The following NIPAL1 variants were observed in gnomAD, a reference collection of about 807,000 sequenced individuals.
NIPAL1 encodes the protein magnesium transporter NIPA3.
NIPAL1 carries 35 observed loss-of-function variants against 37.7 expected under a neutral mutation model. The observed-to-expected ratio is 0.93, with a 90% CI of 0.71 to 1.23. NIPAL1 has a LOEUF of 1.23. Among genes scored for constraint, NIPAL1 ranks in the 50% most tolerant of loss-of-function variants. The probability of loss-of-function intolerance (pLI) is 0.00; values close to 1 mark genes in which losing one functional copy is unlikely to be tolerated. For synonymous variants in NIPAL1, 162 were observed against 183.0 expected (o/e 0.89, Z 0.93); for missense variants, 412 against 473.9 (o/e 0.87, Z 1.21).
rs1251607112 is a variant in NIPAL1, at chr4:48,037,958, A to G, written c.*1786A>G. On this transcript the variant is annotated 3_prime_UTR_variant, in exon 6 of 6. Transcript: ENST00000295461. ...AAAAAAAAAAATTCAGGTAGACTGA[A>G]TGTTTTTCTGCTCTAACCTTAAATG... 6.6e-6 allele frequency: 1 copy of G among 152,142 alleles called. No individual in the cohort carries two copies. Among genetic ancestry groups the G allele is most frequent in the Non-Finnish European group, 1.5e-5 (1 of 68,014 alleles). The allele number at this position is 152,142 out of a possible 1,614,324, so 9.4% of individuals were successfully genotyped here. A position where few individuals can be genotyped will look rare whatever the true frequency, so the allele number is the denominator to read the frequency against.
chr4:48,034,667 T>C (rs915277262), intron 4 of NIPAL1, among the ~76,000 whole-genome samples: 1 of 152,218 alleles, frequency 6.6e-6, no homozygotes, highest in Non-Finnish European at 1.5e-5. Flanking sequence ...GGATATAGAA[T>C]ATTATAGCTC....
chr4:48,017,516 T>C (rs1715459743), intron 1 of NIPAL1, among the ~76,000 whole-genome samples: 1 of 152,224 alleles, frequency 6.6e-6, no homozygotes. Flanking sequence ...GCGAGAGCCG[T>C]ACTGGAGAGG....
In NIPAL1 at chr4:48,036,296, G is replaced by C; in HGVS notation, c.*124G>C. On this transcript the variant is annotated 3_prime_UTR_variant, in exon 6 of 6. Transcript: ENST00000295461. Reference sequence around the variant, plus strand: ...GCAGTTCTAACTAATTTAGATGTGAGGCCAAGTAAAAATGCCATTTTTTTG... The same window carrying C: ...GCAGTTCTAACTAATTTAGATGTGACGCCAAGTAAAAATGCCATTTTTTTG... 3 of 894,180 alleles carry C rather than the reference G, an allele frequency of 3.4e-6. No individual in the cohort carries two copies. The highest frequency in any genetic ancestry group is 3.3e-6 in the Non-Finnish European group (2 of 602,970). The allele number at this position is 894,180 out of a possible 1,614,324, so 55.4% of individuals were successfully genotyped here. A position where few individuals can be genotyped will look rare whatever the true frequency, so the allele number is the denominator to read the frequency against.
chr4:48,029,664 T>C (rs1424841344), intron 2 of NIPAL1, among the ~76,000 whole-genome samples: 2 of 152,164 alleles, frequency 1.3e-5, no homozygotes, highest in Non-Finnish European at 2.9e-5. Context: ...TGAAATGACA[T>C]ACCATTTTAA....
rs1348795955 is a variant in NIPAL1 at position 48,039,998 on chromosome 4, C to T, written c.*3826C>T. 9 of 152,066 alleles carry T rather than the reference C, an allele frequency of 5.9e-5. No individual in the cohort carries two copies. The highest frequency in any genetic ancestry group is 4.4e-5 in the Non-Finnish European group (3 of 68,020). The allele number at this position is 152,066 out of a possible 1,614,324, so 9.4% of individuals were successfully genotyped here. On this transcript the variant is annotated 3_prime_UTR_variant, in exon 6 of 6. Transcript: ENST00000295461. ...AACTGAACTAAATGCTATTTAGCCCCGCCAACAAAGCTTTGTGGAAAAATA... is the reference window on the plus strand; with the variant it reads ...AACTGAACTAAATGCTATTTAGCCCTGCCAACAAAGCTTTGTGGAAAAATA...
chr4:48,033,751 A>G (rs1715869267), intron 4 of NIPAL1, among the ~76,000 whole-genome samples: 1 of 152,206 alleles, frequency 6.6e-6, no homozygotes, highest in Admixed American at 6.5e-5. Flanking sequence ...TGTGTTTGAT[A>G]AGCATATACA....
intron 1 of NIPAL1, among the ~76,000 whole-genome samples, chr4:48,019,112 G>T (rs1298822509): frequency 6.6e-6 from 1 of 152,162 alleles, no homozygotes; most frequent in Non-Finnish European, 1.5e-5. Flanking sequence ...CTTCCACCTG[G>T]GTTCAAGCAA....
Position 48,025,114 on chromosome 4 carries a change from T to A in NIPAL1, c.93T>A (p.Cys31Ter). The stretch of plus-strand genomic sequence containing the variant: ...GTCCAAACTCCTCCCAGGCTTGGTG[T>A]GAGATCACAAATGTGTCACAGCTGC... ...LVCPNSSQAW[C>*]EITNVSQLLA... The change falls in exon 2 of 6, where the codon TGT becomes TGA. Residue 31 changes from cysteine to a stop codon, truncating the protein, a stop_gained. Coordinates refer to ENST00000295461, the MANE Select transcript of NIPAL1 (RefSeq NM_207330.3). LOFTEE classifies it high-confidence loss of function. 6.2e-7 allele frequency: 1 copy of A among 1,604,694 alleles called. No individual in the cohort carries two copies. The highest frequency in any genetic ancestry group is 8.5e-7 in the Non-Finnish European group (1 of 1,171,344).
In NIPAL1 at chr4:48,027,844, C is replaced by T. The variant is rs1170277358; in HGVS notation, c.314-2276C>T. Among the ~76,000 whole-genome samples the T allele has an allele frequency of 6.6e-6, 1 of 152,180 alleles. No individual in the cohort carries two copies. The highest frequency in any genetic ancestry group is 1.5e-5 in the Non-Finnish European group (1 of 68,016). On this transcript the variant is annotated intron_variant, in intron 2 of 5. Transcript: ENST00000295461. This position sits in a 1 kb window ranked among gnomAD's most constrained non-coding sequence, Gnocchi z 4.1. Reference sequence around the variant, plus strand: ...TTAAGCAGAGTGCATCTGCCCAATGCTTGTTATTCTCTCATTGACTAATCC... The same window carrying T: ...TTAAGCAGAGTGCATCTGCCCAATGTTTGTTATTCTCTCATTGACTAATCC...
chr4:48,023,964 A>G (rs961322147), intron 1 of NIPAL1, among the ~76,000 whole-genome samples: 2 of 145,544 alleles, frequency 1.4e-5, no homozygotes, highest in East Asian at 4.0e-4. Context: ...AATGAGTTAG[A>G]CAGATTTCTT....
intron 1 of NIPAL1, 139 bp downstream of exon 1, chr4:48,017,024 A>C (rs910884234): frequency 1.2e-5 from 9 of 720,440 alleles, no homozygotes; most frequent in Non-Finnish European, 2.0e-5. Context: ...TCATTCATTC[A>C]GTCAGTCGGC....
intron 4 of NIPAL1, 78 bp from the exon 5 acceptor site, chr4:48,034,803 A>G (rs1014117274): frequency 3.8e-6 from 4 of 1,060,700 alleles, no homozygotes; most frequent in Non-Finnish European, 5.7e-6. Context: ...GGCATGTACC[A>G]CAGTGTGACT....
intron 1 of NIPAL1, among the ~76,000 whole-genome samples, chr4:48,019,336 A>G (rs1311648770): frequency 2.6e-5 from 4 of 152,368 alleles, no homozygotes; most frequent in East Asian, 3.9e-4. Flanking sequence ...TTTTAAAGCT[A>G]TAGATGCTTC....
At chr4:48,023,458 CCTT>C (rs1481618293) in intron 1 of NIPAL1, among the ~76,000 whole-genome samples, 1 of 152,014 alleles carries the variant, frequency 6.6e-6, no homozygotes, top group East Asian at 1.9e-4. Flanking sequence ...TGCTTATATG[CCTT>C]CTTAAGATTT....
rs35150964 is a variant in NIPAL1, at chr4:48,025,150, T to G, written c.129T>G (p.Pro43=). 1,176 of 1,614,104 alleles carry G rather than the reference T, an allele frequency of 7.3e-4. 12 individuals are homozygous for G. The African/African-American group carries it at 0.015, about 20-fold the overall frequency. The change falls in exon 2 of 6, where the codon CCT becomes CCG. Residue 43 remains proline (P), a synonymous_variant. Transcript: ENST00000295461. The part of the protein sequence containing the change: ...ITNVSQLLAS[P]VLYTDLNYSI... ...ATGTGTCACAGCTGCTGGCTTCTCC[T>G]GTGCTCTACACGGACCTGAATTACA...
At chr4:48,030,976 A>C (rs1162064924) in intron 3 of NIPAL1, among the ~76,000 whole-genome samples, 1 of 152,234 alleles carries the variant, frequency 6.6e-6, no homozygotes, top group Non-Finnish European at 1.5e-5. Flanking sequence ...AAATGGTGGA[A>C]TCTAAAAGGA....
At chr4:48,035,117 A>G in intron 5 of NIPAL1, 76 bp downstream of exon 5, 3 of 1,218,180 alleles carry the variant, frequency 2.5e-6, no homozygotes, top group Non-Finnish European at 3.6e-6. Flanking sequence ...CTGTAATAAT[A>G]TTGTAATAAG....
In NIPAL1 at chr4:48,035,865, T is replaced by G. The variant is rs752165970; in HGVS notation, c.926T>G (p.Ile309Ser). 2 of 1,613,830 alleles carry G rather than the reference T, an allele frequency of 1.2e-6. No homozygotes were observed. Among genetic ancestry groups the G allele is most frequent in the East Asian group, 4.5e-5 (2 of 44,894 alleles). Reference sequence around the variant, plus strand: ...TTTAATACCTCTCTTGTGACACCCATTTATTATGTATTCTTCACATCCATG... The same window carrying G: ...TTTAATACCTCTCTTGTGACACCCAGTTATTATGTATTCTTCACATCCATG... ...DTFNTSLVTP[I>S]YYVFFTSMVV... Residue 309 changes from isoleucine (I) to serine (S), a missense_variant, in exon 6 of 6, where the codon ATT (isoleucine) becomes AGT (serine). By Grantham distance (142) the Ile-to-Ser change is moderately radical. Transcript: ENST00000295461.
At chr4:48,023,981 T>A (rs1345643477) in intron 1 of NIPAL1, among the ~76,000 whole-genome samples, 5 of 149,720 alleles carry the variant, frequency 3.3e-5, no homozygotes, top group African/African-American at 9.8e-5. Flanking sequence ...TCTTCTTTTT[T>A]TTTTTTTTTT....
Sources: gnomAD v4.1 joint callset for allele counts (sites outside exome capture counted in the v4.1 genomes callset) on GRCh38, gnomAD v4.1.1 for gene constraint, Gnocchi (gnomAD v3.1) non-coding constraint, MANE v1.5 for transcripts, NCBI Gene and HGNC (gene_info 2026-07-23, HGNC 2026-07-21) for gene names.